CDH8: variants seen among roughly 807,000 people sequenced by gnomAD.
CDH8 encodes the protein cadherin 8, also known as cadherin-8.
Under a neutral mutation model 68.1 loss-of-function variants are expected in CDH8, and 17 were observed. The observed-to-expected ratio is 0.25, with a 90% CI of 0.17 to 0.37. CDH8 has a LOEUF of 0.37. Ranked by LOEUF, CDH8 falls within the 10% of genes least tolerant of loss-of-function variation. CDH8 has a pLI of 1.00. For synonymous variants in CDH8, 372 were observed against 365.1 expected (o/e 1.02, Z -0.21); for missense variants, 763 against 999.3 (o/e 0.76, Z 3.19).
At chr16:62,001,353 G>C (rs1363084947) in intron 2 of CDH8, among the ~76,000 whole-genome samples, 1 of 152,152 alleles carries the variant, frequency 6.6e-6, no homozygotes, top group African/African-American at 2.4e-5. Flanking sequence ...GATATTAGGA[G>C]TCCTAAGAAT....
chr16:61,671,463 T>TAA (rs35642686), intron 10 of CDH8, among the ~76,000 whole-genome samples: 24 of 129,632 alleles, frequency 1.9e-4, no homozygotes, highest in East Asian at 1.7e-3. Flanking sequence ...AAATAGCTGC[T>TAA]AAAAAAAAAA....
rs1963291598 is a variant in CDH8 at position 61,650,310 on chromosome 16, T to C, written c.*3298A>G. ...AGTAGAGGCTGAATTGATCCCATGTTGTGTCCAATCACCCAGGGATGCATC... is the reference window on the plus strand; with the variant it reads ...AGTAGAGGCTGAATTGATCCCATGTCGTGTCCAATCACCCAGGGATGCATC... On this transcript the variant is annotated 3_prime_UTR_variant, in exon 12 of 12. Coordinates refer to ENST00000577390, the MANE Select transcript of CDH8 (RefSeq NM_001796.5). 1 of 152,092 alleles carries C rather than the reference T, an allele frequency of 6.6e-6. No homozygotes were observed. The highest frequency in any genetic ancestry group is 1.5e-5 in the Non-Finnish European group (1 of 68,016). 9.4% of individuals were successfully genotyped at this position (152,092 alleles called of 1,614,324 possible). A position where few individuals can be genotyped will look rare whatever the true frequency, so the allele number is the denominator to read the frequency against.
intron 2 of CDH8, among the ~76,000 whole-genome samples, chr16:61,990,940 AACAG>A (rs1239190927): frequency 6.7e-6 from 1 of 150,060 alleles, no homozygotes; most frequent in Non-Finnish European, 1.5e-5. Flanking sequence ...AAAAGAAAGA[AACAG>A]AGAGAGAGAA....
chr16:61,887,968 T>C (rs754782093), intron 3 of CDH8, among the ~76,000 whole-genome samples: 2 of 152,188 alleles, frequency 1.3e-5, no homozygotes, highest in African/African-American at 2.4e-5. Flanking sequence ...TAAGCTAAAC[T>C]GAAATTCTGT....
intron 4 of CDH8, among the ~76,000 whole-genome samples, chr16:61,856,277 A>C (rs963937246): frequency 2.0e-5 from 3 of 151,496 alleles, no homozygotes; most frequent in African/African-American, 4.9e-5. Flanking sequence ...GAAAATATAC[A>C]AAAAAAATTG....
chr16:61,865,003 C>A (rs1337146035), intron 3 of CDH8, among the ~76,000 whole-genome samples: 1 of 152,156 alleles, frequency 6.6e-6, no homozygotes, highest in Non-Finnish European at 1.5e-5. Context: ...ACAATGGAAT[C>A]CTCAATGATT....
intron 10 of CDH8, among the ~76,000 whole-genome samples, chr16:61,712,618 T>C (rs955764533): frequency 7.9e-5 from 12 of 151,526 alleles, no homozygotes; most frequent in Non-Finnish European, 1.6e-4. Context: ...AAATAAACAA[T>C]GACAATGTAC....
intron 10 of CDH8, among the ~76,000 whole-genome samples, chr16:61,662,565 T>C (rs1307343584): frequency 1.3e-5 from 2 of 151,790 alleles, no homozygotes; most frequent in Non-Finnish European, 2.9e-5. Context: ...CAAGATCAAT[T>C]TAAGAAATGG....
Position 61,682,665 on chromosome 16 carries a change from G to GA in CDH8, c.1655-26945dup, listed in dbSNP as rs55989060. The stretch of plus-strand genomic sequence containing the variant: ...TCATTTTAAAGATAAAGAAGTTTAA[G>GA]AAAAAAAAAAAACATGTGTTTTGGC... On this transcript the variant is annotated intron_variant, in intron 10 of 11. Coordinates refer to ENST00000577390, the MANE Select transcript of CDH8 (RefSeq NM_001796.5). Among the ~76,000 whole-genome samples, 682 of 148,258 alleles carry GA rather than the reference G, an allele frequency of 4.6e-3. 1 individual carries two copies. Among genetic ancestry groups the GA allele is most frequent in the Non-Finnish European group, 7.8e-3 (520 of 66,660 alleles).
At chr16:61,673,954 G>C (rs2142784085) in intron 10 of CDH8, among the ~76,000 whole-genome samples, 1 of 152,220 alleles carries the variant, frequency 6.6e-6, no homozygotes, top group East Asian at 1.9e-4. Context: ...CATATAGAAT[G>C]AGAATCCAAG....
At chr16:61,839,308 A>T (rs191827227) in intron 4 of CDH8, among the ~76,000 whole-genome samples, 3 of 152,174 alleles carry the variant, frequency 2.0e-5, no homozygotes, top group Non-Finnish European at 4.4e-5. Context: ...TGAACCTATC[A>T]ATCAGCCACT....
intron 9 of CDH8, among the ~76,000 whole-genome samples, chr16:61,721,534 G>A (rs1407602034): frequency 1.3e-5 from 2 of 150,722 alleles, no homozygotes; most frequent in Non-Finnish European, 3.0e-5. Flanking sequence ...CATTGCTAGT[G>A]TTTATCTAGG....
chr16:61,943,359 A>G (rs1964753974), intron 2 of CDH8, among the ~76,000 whole-genome samples: 1 of 152,236 alleles, frequency 6.6e-6, no homozygotes, highest in Admixed American at 6.5e-5. Flanking sequence ...AAACGAATGT[A>G]AACAAACAAG....
chr16:61,960,984 AC>A (rs1965144033), intron 2 of CDH8, among the ~76,000 whole-genome samples: 1 of 151,930 alleles, frequency 6.6e-6, no homozygotes, highest in African/African-American at 2.4e-5. Flanking sequence ...CCTACAGGTC[AC>A]CCCGCCCCTT....
intron 4 of CDH8, among the ~76,000 whole-genome samples, chr16:61,846,503 T>C (rs1962809170): frequency 1.3e-5 from 2 of 152,196 alleles, no homozygotes; most frequent in South Asian, 4.1e-4. Context: ...AGCATCAAGG[T>C]GTTTAGAGTA....
chr16:61,743,001 T>A (rs573333027), intron 8 of CDH8, among the ~76,000 whole-genome samples: 2 of 152,362 alleles, frequency 1.3e-5, no homozygotes, highest in East Asian at 1.9e-4. Context: ...CCTGCGTTTT[T>A]AAACTCGCCT....
At chr16:61,918,671 A>C (rs1964296622) in intron 2 of CDH8, 1 of 158,930 alleles carries the variant, frequency 6.3e-6, no homozygotes, top group African/African-American at 2.4e-5. Flanking sequence ...TCCTACGCCC[A>C]CGGAGTCTCC....
intron 1 of CDH8, among the ~76,000 whole-genome samples, chr16:62,022,581 T>C (rs1405107453): frequency 6.6e-6 from 1 of 152,190 alleles, no homozygotes; most frequent in Non-Finnish European, 1.5e-5. Flanking sequence ...TAATGTTCAC[T>C]GCAGATCCAA....
intron 10 of CDH8, among the ~76,000 whole-genome samples, chr16:61,711,218 A>G (rs1450804029): frequency 2.0e-5 from 3 of 151,944 alleles, no homozygotes; most frequent in Non-Finnish European, 4.4e-5. Context: ...ATTAATTGAT[A>G]GAAATTGCAT....
Sources: gnomAD v4.1 joint callset for allele counts (sites outside exome capture counted in the v4.1 genomes callset) on GRCh38, gnomAD v4.1.1 for gene constraint, MANE v1.5 for transcripts, NCBI Gene and HGNC (gene_info 2026-07-23, HGNC 2026-07-21) for gene names.